BRD10: variants seen among roughly 807,000 people sequenced by gnomAD.
The protein encoded by BRD10 is uncharacterized bromodomain-containing protein 10.
chr9:5,894,587 G>T, the BRD10 span, among the ~76,000 whole-genome samples: 2 of 152,150 alleles, frequency 1.3e-5, no homozygotes, highest in African/African-American at 4.8e-5. This position sits in a 1 kb window ranked among gnomAD's most constrained non-coding sequence, Gnocchi z 4.0. Flanking sequence ...CAAATACTCA[G>T]GCCTCTGAGG....
the BRD10 span, among the ~76,000 whole-genome samples, chr9:5,884,444 A>G: frequency 2.0e-5 from 3 of 152,218 alleles, no homozygotes; most frequent in African/African-American, 7.2e-5. Context: ...ACGACTCACA[A>G]TTCCCTGAAG....
the BRD10 span, chr9:5,910,244 C>A: frequency 6.6e-6 from 1 of 152,270 alleles, no homozygotes; most frequent in East Asian, 1.9e-4. Flanking sequence ...ACCTAAAAAT[C>A]ATCTTGTCTC....
chr9:5,967,710 A>AAAC, the BRD10 span, among the ~76,000 whole-genome samples: 6 of 148,864 alleles, frequency 4.0e-5, no homozygotes, highest in East Asian at 3.9e-4. Context: ...AAAAAAAAAA[A>AAAC]ACACACATTT....
the BRD10 span, among the ~76,000 whole-genome samples, chr9:5,879,260 C>G: frequency 3.9e-4 from 59 of 151,832 alleles, no homozygotes; most frequent in Non-Finnish European, 8.5e-4. Flanking sequence ...GTCAGGAGTT[C>G]GAGACCAGCC....
chr9:5,914,409 G>GTTTTT, the BRD10 span, among the ~76,000 whole-genome samples: 803 of 106,852 alleles, frequency 7.5e-3, 113 homozygotes, highest in Non-Finnish European at 9.4e-3. Flanking sequence ...AAATCCAGAT[G>GTTTTT]GTTTTTTTTT....
chr9:5,922,544 G>A, the BRD10 span: 1 of 1,613,960 alleles, frequency 6.2e-7, no homozygotes, highest in South Asian at 1.1e-5. Context: ...GACAAAAACT[G>A]ATGCTAAAGA....
the BRD10 span, among the ~76,000 whole-genome samples, chr9:5,930,370 T>TTTATATATA: frequency 1.0e-4 from 1 of 9,830 alleles, no homozygotes; most frequent in African/African-American, 2.1e-4. Context: ...ATAAGGAGAT[T>TTTATATATA]ATATATATAT....
chr9:5,941,382 A>C, the BRD10 span, among the ~76,000 whole-genome samples: 2 of 152,222 alleles, frequency 1.3e-5, no homozygotes, highest in Non-Finnish European at 2.9e-5. Context: ...TCATGAAAGA[A>C]TGCTATCATG....
chr9:6,007,371 C>A, the BRD10 span: 2 of 1,613,134 alleles, frequency 1.2e-6, no homozygotes, highest in South Asian at 2.2e-5. Flanking sequence ...CCATCTGCAG[C>A]AGACACATGC....
the BRD10 span, chr9:5,969,134 T>C: frequency 6.2e-7 from 1 of 1,613,890 alleles, no homozygotes; most frequent in Non-Finnish European, 8.5e-7. Flanking sequence ...CCAGGTCCTA[T>C]AAGGCAAAGT....
At chr9:5,919,543 AACACACACACAC>A in the BRD10 span, 333 of 396,966 alleles carry the variant, frequency 8.4e-4, no homozygotes, top group African/African-American at 6.3e-3. Flanking sequence ...GATACATTAA[AACACACACACAC>A]ACACACACAC....
chr9:6,000,881 T>C, the BRD10 span, among the ~76,000 whole-genome samples: 1 of 152,180 alleles, frequency 6.6e-6, no homozygotes, highest in African/African-American at 2.4e-5. Flanking sequence ...CCCTTGTATT[T>C]TTACTAGACT....
the BRD10 span, among the ~76,000 whole-genome samples, chr9:5,999,675 A>C: frequency 6.6e-6 from 1 of 152,110 alleles, no homozygotes; most frequent in Non-Finnish European, 1.5e-5. Context: ...TAGCCAAACT[A>C]AACTACTGGC....
the BRD10 span, chr9:5,988,451 G>T: frequency 1.2e-6 from 2 of 1,613,720 alleles, no homozygotes; most frequent in Admixed American, 1.7e-5. Flanking sequence ...GGTGTTGACC[G>T]ACGCCTTGTT....
chr9:5,893,919 C>T, the BRD10 span, among the ~76,000 whole-genome samples: 1 of 131,644 alleles, frequency 7.6e-6, no homozygotes, highest in Middle Eastern at 4.4e-3. Context: ...CCCCCCGCCC[C>T]GTGGCACCCA....
the BRD10 span, among the ~76,000 whole-genome samples, chr9:5,997,856 A>G: frequency 2.8e-4 from 43 of 152,184 alleles, no homozygotes; most frequent in Non-Finnish European, 5.1e-4. Flanking sequence ...CTGAGCTTAC[A>G]TGGATAGCAA....
chr9:5,931,974 CT>C, the BRD10 span, among the ~76,000 whole-genome samples: 1 of 152,162 alleles, frequency 6.6e-6, no homozygotes, highest in African/African-American at 2.4e-5. Context: ...GTATCATCTG[CT>C]TTGGTCAAAA....
the BRD10 span, among the ~76,000 whole-genome samples, chr9:5,936,558 T>C: frequency 6.6e-6 from 1 of 152,198 alleles, no homozygotes; most frequent in African/African-American, 2.4e-5. Context: ...TCCTTTGTGC[T>C]CTCTGCTGGA....
At chr9:5,923,339 T>C in the BRD10 span, 1 of 1,504,672 alleles carries the variant, frequency 6.6e-7, no homozygotes, top group Non-Finnish European at 9.0e-7. Context: ...GCATTTTGTT[T>C]ATATAAAACA....
Sources: gnomAD v4.1 joint callset for allele counts (sites outside exome capture counted in the v4.1 genomes callset) on GRCh38, gnomAD v4.1.1 for gene constraint, Gnocchi (gnomAD v3.1) non-coding constraint, MANE v1.5 for transcripts, NCBI Gene and HGNC (gene_info 2026-07-23, HGNC 2026-07-21) for gene names.